ABI2: variants seen among roughly 807,000 people sequenced by gnomAD.
The protein encoded by ABI2 is abl interactor 2, also known as abelson interactor 2.
Under a neutral mutation model 59.2 loss-of-function variants are expected in ABI2, and 25 were observed. The ratio of observed to expected loss-of-function variants is 0.42; its 90% CI spans 0.31 to 0.59. The LOEUF (loss-of-function observed/expected upper bound fraction) is 0.59, where lower values mean the gene tolerates loss of function less well. Ranked by LOEUF, ABI2 falls within the 20% of genes least tolerant of loss-of-function variation. The pLI, the probability that ABI2 is intolerant of heterozygous loss-of-function variation, is 0.14. For synonymous variants in ABI2, 213 were observed against 235.5 expected (o/e 0.90, Z 0.87); for missense variants, 545 against 681.8 (o/e 0.80, Z 2.23).
intron 10 of ABI2, among the ~76,000 whole-genome samples, chr2:203,415,966 G>A (rs968068898): frequency 6.6e-6 from 1 of 152,208 alleles, no homozygotes; most frequent in Non-Finnish European, 1.5e-5. Context: ...CATTTAGCCT[G>A]AAGAAATTCT....
chr2:203,342,996 T>C (rs1459753238), intron 1 of ABI2, among the ~76,000 whole-genome samples: 4 of 152,202 alleles, frequency 2.6e-5, no homozygotes, highest in Non-Finnish European at 5.9e-5. Context: ...TAATACAGTC[T>C]ATACCGTTAA....
intron 2 of ABI2, chr2:203,374,994 G>A: frequency 3.0e-6 from 1 of 334,748 alleles, no homozygotes; most frequent in Non-Finnish European, 6.6e-6. Flanking sequence ...GGTTCATGAG[G>A]GAGATGTGGG....
At chr2:203,397,113 C>A in intron 8 of ABI2, 146 bp downstream of exon 8, 1 of 1,168,770 alleles carries the variant, frequency 8.6e-7, no homozygotes, top group Non-Finnish European at 1.1e-6. Context: ...AAGTATGTGA[C>A]CAAAGATTAG....
chr2:203,429,085 T>C lies in ABI2; in HGVS notation c.*1733T>C, dbSNP rs914449029. On this transcript the variant is annotated 3_prime_UTR_variant, in exon 12 of 12. Transcript: ENST00000261018. ...CTATAGAGTTTCCTTATCAAGACTT[T>C]TTGGTTTTAAAGTTGTTTTTAATGC... 2.0e-5 allele frequency: 3 copies of C among 152,258 alleles called. No homozygotes were observed. Among genetic ancestry groups the C allele is most frequent in the African/African-American group, 7.2e-5 (3 of 41,468 alleles). 9.4% of individuals were successfully genotyped at this position (152,258 alleles called of 1,614,324 possible). A position where few individuals can be genotyped will look rare whatever the true frequency, so the allele number is the denominator to read the frequency against.
At chr2:203,349,248 C>T (rs2085978838) in intron 1 of ABI2, among the ~76,000 whole-genome samples, 1 of 151,810 alleles carries the variant, frequency 6.6e-6, no homozygotes, top group African/African-American at 2.4e-5. Context: ...AGCTGGTGCC[C>T]TATAACTCTT....
At chr2:203,418,711 G>A (rs1461271073) in intron 11 of ABI2, among the ~76,000 whole-genome samples, 2 of 152,222 alleles carry the variant, frequency 1.3e-5, no homozygotes, top group African/African-American at 2.4e-5. Context: ...ATTAAAGCAA[G>A]TTAATAGGAT....
At chr2:203,347,837 C>T (rs190813421) in intron 1 of ABI2, among the ~76,000 whole-genome samples, 3 of 152,260 alleles carry the variant, frequency 2.0e-5, no homozygotes, top group African/African-American at 7.2e-5. Context: ...GTTTGAGGAA[C>T]ATTTACATAT....
intron 1 of ABI2, chr2:203,355,141 T>C: frequency 2.7e-6 from 1 of 375,832 alleles, no homozygotes; most frequent in Admixed American, 2.5e-5. Flanking sequence ...CTGGATCCCA[T>C]GCTTCTTTCT....
intron 1 of ABI2, among the ~76,000 whole-genome samples, chr2:203,348,875 T>TA (rs1177888671): frequency 6.6e-6 from 1 of 152,056 alleles, no homozygotes; most frequent in African/African-American, 2.4e-5. Flanking sequence ...TTTTAAAAAA[T>TA]AGTACAAAGC....
At chr2:203,385,128 C>T (rs897729099) in intron 4 of ABI2, among the ~76,000 whole-genome samples, 10 of 83,532 alleles carry the variant, frequency 1.2e-4, no homozygotes, top group African/African-American at 2.3e-4. Flanking sequence ...CCACCGCACC[C>T]GGCTCAGATT....
intron 4 of ABI2, 131 bp from the exon 5 acceptor site, chr2:203,390,915 T>C: frequency 1.5e-6 from 1 of 681,718 alleles, no homozygotes; most frequent in Non-Finnish European, 2.6e-6. Flanking sequence ...GCATATGAAA[T>C]GCATGGCCTC....
intron 9 of ABI2, among the ~76,000 whole-genome samples, chr2:203,410,638 G>T (rs899491618): frequency 6.6e-6 from 1 of 152,176 alleles, no homozygotes; most frequent in Non-Finnish European, 1.5e-5. Flanking sequence ...ATGAAAAATT[G>T]TAATGACATA....
At chr2:203,394,903 A>G (rs2096910646) in intron 6 of ABI2, 57 bp downstream of exon 6, 2 of 1,572,460 alleles carry the variant, frequency 1.3e-6, no homozygotes, top group Admixed American at 3.4e-5. Flanking sequence ...ATCTGTTCAG[A>G]TTACTTCAGG....
At chr2:203,378,363 G>A (rs922585947) in intron 2 of ABI2, among the ~76,000 whole-genome samples, 1 of 152,064 alleles carries the variant, frequency 6.6e-6, no homozygotes, top group Admixed American at 6.6e-5. Context: ...CGCCCACCTT[G>A]GCCTCCCAAA....
At chr2:203,422,428 G>A (rs796445764) in intron 11 of ABI2, among the ~76,000 whole-genome samples, 9 of 152,316 alleles carry the variant, frequency 5.9e-5, no homozygotes, top group African/African-American at 2.2e-4. Flanking sequence ...TATGATGATG[G>A]AGAGAAGTCG....
intron 1 of ABI2, among the ~76,000 whole-genome samples, chr2:203,349,602 A>G (rs539727179): frequency 6.6e-6 from 1 of 151,406 alleles, no homozygotes; most frequent in African/African-American, 2.4e-5. Context: ...ACAGGGTTTC[A>G]CCACGTTGGT....
intron 11 of ABI2, among the ~76,000 whole-genome samples, chr2:203,422,265 T>TA: frequency 2.0e-5 from 1 of 49,478 alleles, no homozygotes; most frequent in Non-Finnish European, 4.7e-5. Context: ...CACCACTGCC[T>TA]GGGGACAGTA....
chr2:203,421,641 T>A (rs1378065526), intron 11 of ABI2, among the ~76,000 whole-genome samples: 1 of 152,136 alleles, frequency 6.6e-6, no homozygotes, highest in African/African-American at 2.4e-5. Context: ...CTCAAGCAGA[T>A]CAATTTTAGG....
At chr2:203,406,316 T>C (rs1173914342) in intron 9 of ABI2, among the ~76,000 whole-genome samples, 1 of 152,248 alleles carries the variant, frequency 6.6e-6, no homozygotes, top group Non-Finnish European at 1.5e-5. Context: ...AAGTAGCCTG[T>C]ATTTTACTGC....
Sources: allele counts gnomAD v4.1 joint callset (sites outside exome capture counted in the v4.1 genomes callset), GRCh38; gene constraint gnomAD v4.1.1; transcripts MANE v1.5; gene names NCBI Gene and HGNC (gene_info 2026-07-23, HGNC 2026-07-21).